The following DGKB variants were observed in gnomAD, a reference collection of about 807,000 sequenced individuals.
DGKB encodes the protein diacylglycerol kinase beta.
Under a neutral mutation model 114.3 loss-of-function variants are expected in DGKB, and 67 were observed. The ratio of observed to expected loss-of-function variants is 0.59; its 90% CI spans 0.48 to 0.72. The LOEUF is 0.72. Ranked by LOEUF, DGKB falls within the 30% of genes least tolerant of loss-of-function variation. The probability of loss-of-function intolerance (pLI) is 0.00; values close to 1 mark genes in which losing one functional copy is unlikely to be tolerated. For missense variants in DGKB, 907 were observed against 975.2 expected, an observed-to-expected ratio of 0.93 and a Z score of 0.93; for synonymous variants, 398 against 323.1, an observed-to-expected ratio of 1.23 and a Z score of -2.49.
chr7:14,890,130 C>T (rs541627676), intron 1 of DGKB, among the ~76,000 whole-genome samples: 171 of 151,486 alleles, frequency 1.1e-3, no homozygotes, highest in Admixed American at 3.8e-3. Flanking sequence ...TTAAAAATCC[C>T]ACAGATAAAA....
chr7:14,676,650 A>G (rs1819908696), intron 12 of DGKB, among the ~76,000 whole-genome samples: 2 of 152,098 alleles, frequency 1.3e-5, no homozygotes, highest in African/African-American at 2.4e-5. Flanking sequence ...TTTCGTGGAC[A>G]AGAATATAAG....
chr7:14,940,012 G>A (rs1230639079), intron 1 of DGKB, among the ~76,000 whole-genome samples: 2 of 151,980 alleles, frequency 1.3e-5, no homozygotes, highest in South Asian at 2.1e-4. Context: ...ACACTGTGTG[G>A]TGACTTGGCT....
At chr7:14,163,390 A>G (rs1393284001) in intron 25 of DGKB, among the ~76,000 whole-genome samples, 1 of 152,220 alleles carries the variant, frequency 6.6e-6, no homozygotes, top group Non-Finnish European at 1.5e-5. Flanking sequence ...TGCACAGGTA[A>G]ACCAAACTAA....
chr7:14,301,545 T>C (rs140426576), intron 23 of DGKB, among the ~76,000 whole-genome samples: 1 of 152,126 alleles, frequency 6.6e-6, no homozygotes, highest in Non-Finnish European at 1.5e-5. Context: ...TCAGTAATCT[T>C]TTAAAAAGAT....
intron 1 of DGKB, among the ~76,000 whole-genome samples, chr7:14,880,011 T>C (rs1853972069): frequency 6.6e-6 from 1 of 152,150 alleles, no homozygotes; most frequent in African/African-American, 2.4e-5. Context: ...ACTGTGTCCC[T>C]AAGAATCCTT....
chr7:14,657,350 CA>C (rs1186850120), intron 13 of DGKB, among the ~76,000 whole-genome samples: 3 of 151,534 alleles, frequency 2.0e-5, no homozygotes, highest in Non-Finnish European at 3.0e-5. Context: ...GTTAGATTTC[CA>C]AAATATGGAA....
intron 1 of DGKB, among the ~76,000 whole-genome samples, chr7:14,880,777 A>C (rs1048714826): frequency 4.6e-5 from 7 of 152,208 alleles, no homozygotes; most frequent in African/African-American, 1.7e-4. Context: ...CGTAACTTTA[A>C]TTTAATCACC....
chr7:14,910,262 GAAAGAAAGAA>G (rs1562868977), intron 1 of DGKB, among the ~76,000 whole-genome samples: 2,454 of 116,806 alleles, frequency 0.021, 97 homozygotes, highest in African/African-American at 0.085. Flanking sequence ...AAGAAAGAAA[GAAAGAAAGAA>G]AGAAAGAAAG....
chr7:14,839,007 A>G (rs1377912900), intron 2 of DGKB, among the ~76,000 whole-genome samples: 1 of 152,114 alleles, frequency 6.6e-6, no homozygotes, highest in Non-Finnish European at 1.5e-5. Context: ...TCCCTCTTGT[A>G]CGAAGACTTC....
chr7:14,197,246 C>G (rs1785159326), intron 23 of DGKB, among the ~76,000 whole-genome samples: 1 of 152,002 alleles, frequency 6.6e-6, no homozygotes, highest in African/African-American at 2.4e-5. Flanking sequence ...TGCAGTGAAA[C>G]TCTTGGTACA....
At chr7:14,781,074 T>C (rs1305114144) in intron 2 of DGKB, among the ~76,000 whole-genome samples, 2 of 152,210 alleles carry the variant, frequency 1.3e-5, no homozygotes, top group African/African-American at 4.8e-5. Context: ...TTGATGGCAA[T>C]AAGTACCTAT....
chr7:14,394,121 T>C (rs1036290719), intron 21 of DGKB, among the ~76,000 whole-genome samples: 1 of 152,220 alleles, frequency 6.6e-6, no homozygotes, highest in Non-Finnish European at 1.5e-5. Context: ...ATTTAGCTCC[T>C]TTCCAAGGTT....
chr7:14,932,990 G>C (rs1785103505), intron 1 of DGKB, among the ~76,000 whole-genome samples: 1 of 152,096 alleles, frequency 6.6e-6, no homozygotes, highest in Non-Finnish European at 1.5e-5. Flanking sequence ...AAATAACCTG[G>C]GGGCAAGAAT....
At chr7:14,403,095 T>C (rs566247698) in intron 21 of DGKB, among the ~76,000 whole-genome samples, 55 of 152,106 alleles carry the variant, frequency 3.6e-4, no homozygotes, top group African/African-American at 1.3e-3. Flanking sequence ...CATACATAGA[T>C]ACACACACAT....
At chr7:14,277,452 C>A (rs930267349) in intron 23 of DGKB, among the ~76,000 whole-genome samples, 1 of 152,194 alleles carries the variant, frequency 6.6e-6, no homozygotes, top group East Asian at 1.9e-4. Context: ...GGATTACAGG[C>A]GTGAATCACT....
At chr7:14,762,994 C>T (rs530036449) in intron 2 of DGKB, among the ~76,000 whole-genome samples, 1 of 152,144 alleles carries the variant, frequency 6.6e-6, no homozygotes, top group South Asian at 2.1e-4. Flanking sequence ...TGGATTGAAG[C>T]ACAAACTCCT....
intron 1 of DGKB, among the ~76,000 whole-genome samples, chr7:14,935,425 CA>C (rs899882621): frequency 6.6e-5 from 10 of 151,542 alleles, no homozygotes; most frequent in East Asian, 3.9e-4. Flanking sequence ...CAATTTTTGA[CA>C]AAAAAAGAAG....
chr7:14,664,399 C>T (rs1817669677), intron 13 of DGKB, among the ~76,000 whole-genome samples: 1 of 151,994 alleles, frequency 6.6e-6, no homozygotes, highest in African/African-American at 2.4e-5. Context: ...TTCTTTTACA[C>T]CACACTGCTA....
intron 1 of DGKB, among the ~76,000 whole-genome samples, chr7:14,971,510 G>A (rs1787465106): frequency 6.6e-6 from 1 of 152,040 alleles, no homozygotes. Flanking sequence ...ATTTGTAGCT[G>A]AGTAAAAATA....
Sources: gnomAD v4.1 joint callset for allele counts (sites outside exome capture counted in the v4.1 genomes callset) on GRCh38, gnomAD v4.1.1 for gene constraint, MANE v1.5 for transcripts, NCBI Gene and HGNC (gene_info 2026-07-23, HGNC 2026-07-21) for gene names.